The following CFAP58 variants were observed in gnomAD, a reference collection of about 807,000 sequenced individuals.
CFAP58 encodes the protein cilia and flagella associated protein 58.
Under a neutral mutation model 119.5 loss-of-function variants are expected in CFAP58, and 88 were observed. The observed-to-expected ratio is 0.74, with a 90% confidence interval of 0.62 to 0.88. The LOEUF (loss-of-function observed/expected upper bound fraction) is 0.88, where lower values mean the gene tolerates loss of function less well. Among genes scored for constraint, CFAP58 ranks in the 40% least tolerant of loss-of-function variants. The pLI is 0.00. For synonymous variants in CFAP58, 365 were observed against 366.3 expected (o/e 1.00, Z 0.04); for missense variants, 990 against 1,021.2 (o/e 0.97, Z 0.42).
chr10:104,377,655 C>T (rs954027155), intron 8 of CFAP58, among the ~76,000 whole-genome samples: 2 of 152,124 alleles, frequency 1.3e-5, no homozygotes, highest in Non-Finnish European at 2.9e-5. Flanking sequence ...CTATAACAGC[C>T]ACGGCCAAGA....
chr10:104,355,077 G>A (rs562537803), intron 1 of CFAP58, among the ~76,000 whole-genome samples: 17 of 151,966 alleles, frequency 1.1e-4, no homozygotes, highest in Non-Finnish European at 2.5e-4. Flanking sequence ...CTCACGCCTG[G>A]GCTCCATCAC....
In CFAP58 at chr10:104,358,371, T is replaced by G. The variant is rs1354635369; in HGVS notation, c.40T>G (p.Ser14Ala). Residue 14 changes from serine to alanine, a missense_variant, in exon 2 of 18, where the codon TCT (serine) becomes GCT (alanine). By Grantham distance (99) the Ser-to-Ala change is moderately conservative. Transcript: ENST00000369704. ...GGGTGGAAAGCAAGTCCTGGAAGAA[T>G]CTGCATTTGAAGAAATGGAAAGAGA... ...EKGGKQVLEE[S>A]AFEEMERDFQ... The G allele has an allele frequency of 6.2e-7, 1 of 1,613,498 alleles. No individual in the cohort carries two copies. The highest frequency in any genetic ancestry group is 1.1e-5 in the South Asian group (1 of 91,042).
At chr10:104,350,139 G>A (rs934065500), upstream of CFAP58, among the ~76,000 whole-genome samples, 53 of 152,342 alleles carry the variant, frequency 3.5e-4, 1 homozygote, top group African/African-American at 1.3e-3. Context: ...TGCTCCTCAA[G>A]GGAGAAGATC....
chr10:104,438,657 G>A (rs990744553), intron 15 of CFAP58, among the ~76,000 whole-genome samples: 5 of 152,094 alleles, frequency 3.3e-5, no homozygotes, highest in African/African-American at 9.7e-5. Context: ...TTACAGGCGT[G>A]AGCCACCGCG....
At chr10:104,339,587 G>A in the CFAP58 span, among the ~76,000 whole-genome samples, 1 of 152,158 alleles carries the variant, frequency 6.6e-6, no homozygotes, top group African/African-American at 2.4e-5. Flanking sequence ...TTTGGTCTTA[G>A]ATCACCTTTT....
At chr10:104,346,861 C>T in the CFAP58 span, among the ~76,000 whole-genome samples, 6 of 151,880 alleles carry the variant, frequency 4.0e-5, no homozygotes, top group South Asian at 1.2e-3. Flanking sequence ...GTCTCAAACT[C>T]CTGACCTCAA....
chr10:104,376,418 T>C (rs1589914053), intron 7 of CFAP58, among the ~76,000 whole-genome samples: 1 of 139,548 alleles, frequency 7.2e-6, no homozygotes, highest in Admixed American at 7.7e-5. Flanking sequence ...GGCAGGAAAA[T>C]CCCTTGAACC....
chr10:104,349,641 C>T (rs551345476), upstream of CFAP58, among the ~76,000 whole-genome samples: 3 of 152,296 alleles, frequency 2.0e-5, no homozygotes, highest in East Asian at 1.9e-4. Flanking sequence ...GTGAAGAAGA[C>T]GTGCATCATC....
At chr10:104,433,023 T>C (rs2012875057) in intron 15 of CFAP58, among the ~76,000 whole-genome samples, 1 of 152,198 alleles carries the variant, frequency 6.6e-6, no homozygotes, top group Non-Finnish European at 1.5e-5. Flanking sequence ...AAAGATGGCT[T>C]TGCCTAAACC....
At chr10:104,411,487 T>C (rs145075577) in intron 15 of CFAP58, among the ~76,000 whole-genome samples, 1 of 152,208 alleles carries the variant, frequency 6.6e-6, no homozygotes, top group Non-Finnish European at 1.5e-5. Context: ...TGACTTTCAC[T>C]CATGGTGGAT....
chr10:104,423,955 C>T (rs936283345), intron 15 of CFAP58, among the ~76,000 whole-genome samples: 5 of 152,168 alleles, frequency 3.3e-5, no homozygotes, highest in Non-Finnish European at 7.3e-5. Context: ...ATAGTCCAAA[C>T]ACCTACATGA....
intron 15 of CFAP58, among the ~76,000 whole-genome samples, chr10:104,445,823 T>C (rs762545123): frequency 6.6e-5 from 10 of 152,238 alleles, no homozygotes; most frequent in Non-Finnish European, 1.5e-4. Context: ...TTTCAAACTT[T>C]CTTCTCTGTG....
At chr10:104,374,249 C>T (rs185492296) in intron 7 of CFAP58, among the ~76,000 whole-genome samples, 41 of 151,092 alleles carry the variant, frequency 2.7e-4, no homozygotes, top group African/African-American at 6.8e-4. Context: ...TGCTTGAGCC[C>T]GGGAGTCTGA....
In CFAP58 at chr10:104,376,778, G is replaced by A. The variant is rs371689540; in HGVS notation, c.1091-33G>A. 1.0e-4 allele frequency: 158 copies of A among 1,565,958 alleles called. 2 individuals carry two copies. In the South Asian group the frequency reaches 1.1e-3, roughly 11 times the overall value. ...GTAGATTCTCTTAGGTCGACTCTAC[G>A]TTTATTATTATTTTTTCTCCCTGGG... On this transcript the variant is annotated intron_variant, in intron 7 of 17. Transcript: ENST00000369704.
intron 8 of CFAP58, among the ~76,000 whole-genome samples, chr10:104,378,203 A>C (rs1022193046): frequency 6.6e-6 from 1 of 152,186 alleles, no homozygotes; most frequent in Admixed American, 6.5e-5. Flanking sequence ...ATAATACGTT[A>C]TTTCCCCATT....
intron 15 of CFAP58, among the ~76,000 whole-genome samples, chr10:104,447,207 G>A (rs997986756): frequency 2.7e-5 from 4 of 150,446 alleles, no homozygotes; most frequent in African/African-American, 9.8e-5. Flanking sequence ...AAATAGAACC[G>A]GGGTCTCACT....
intron 15 of CFAP58, among the ~76,000 whole-genome samples, chr10:104,434,376 C>T (rs1474476061): frequency 6.6e-6 from 1 of 152,148 alleles, no homozygotes; most frequent in Non-Finnish European, 1.5e-5. Context: ...GCTGAGAATT[C>T]ATTGTCTAGG....
chr10:104,362,187 G>A lies in CFAP58; in HGVS notation c.440+16G>A, dbSNP rs750427469. 16 of 1,598,934 alleles carry A rather than the reference G, an allele frequency of 1.0e-5. No individual in the cohort carries two copies. In the South Asian group the frequency reaches 1.8e-4, roughly 18 times the overall value. ...AGCATAGCAAGTAGGTCATAGCCTT[G>A]TTGATGTATGTTAAACTTGCTTTTG... On this transcript the variant is annotated intron_variant, in intron 3 of 17. Transcript: ENST00000369704.
At chr10:104,434,960 ATACT>A (rs2012909156) in intron 15 of CFAP58, among the ~76,000 whole-genome samples, 2 of 152,236 alleles carry the variant, frequency 1.3e-5, no homozygotes, top group African/African-American at 4.8e-5. Context: ...TAAAATGAAG[ATACT>A]TACTGATTTA....
Sources: allele counts gnomAD v4.1 joint callset (sites outside exome capture counted in the v4.1 genomes callset), GRCh38; gene constraint gnomAD v4.1.1; transcripts MANE v1.5; gene names NCBI Gene and HGNC (gene_info 2026-07-23, HGNC 2026-07-21).